The following KIAA0825 variants were observed in gnomAD, a reference collection of about 807,000 sequenced individuals.
KIAA0825 encodes the protein uncharacterized protein KIAA0825.
A neutral mutation model predicts 147.6 loss-of-function variants in KIAA0825; 119 were observed. That is an observed-to-expected ratio of 0.81 (90% CI 0.69 to 0.94). The LOEUF is 0.94. Ranked by LOEUF, KIAA0825 falls within the 40% of genes least tolerant of loss-of-function variation. KIAA0825 has a pLI of 0.00. For synonymous variants in KIAA0825, 470 were observed against 518.1 expected (o/e 0.91, Z 1.26); for missense variants, 1,381 against 1,472.7 (o/e 0.94, Z 1.02).
chr5:94,542,381 G>T (rs868668621), intron 2 of KIAA0825, among the ~76,000 whole-genome samples: 3 of 152,168 alleles, frequency 2.0e-5, no homozygotes, highest in Non-Finnish European at 2.9e-5. Context: ...TTAAACAATT[G>T]AGTAAAGTAT....
At chr5:94,291,794 G>A (rs889406172) in intron 20 of KIAA0825, among the ~76,000 whole-genome samples, 2 of 152,098 alleles carry the variant, frequency 1.3e-5, no homozygotes, top group Admixed American at 1.3e-4. Context: ...TCCTTTAGCA[G>A]TGGTTTGTAG....
chr5:94,599,331 GT>G lies in KIAA0825; in HGVS notation c.-152-16749del, dbSNP rs57220290. Among the ~76,000 whole-genome samples the G allele has an allele frequency of 1.6e-3, 153 of 98,512 alleles. 1 individual carries two copies. The highest frequency in any genetic ancestry group is 7.8e-3 in the Middle Eastern group (1 of 128). 64.6% of individuals were successfully genotyped at this position (98,512 alleles called of 152,430 possible). A position where few individuals can be genotyped will look rare whatever the true frequency, so the allele number is the denominator to read the frequency against. ...CCTATTTTAAAATCTGATTATTTGG[GT>G]TTTTTTTTTTTTTTTTTTTGCTATG... On this transcript the variant is annotated intron_variant, in intron 1 of 20. Coordinates refer to ENST00000682413, the MANE Select transcript of KIAA0825 (RefSeq NM_001145678.3).
chr5:94,378,105 T>A (rs887242530), intron 20 of KIAA0825, among the ~76,000 whole-genome samples: 17 of 152,200 alleles, frequency 1.1e-4, no homozygotes, highest in African/African-American at 4.1e-4. Flanking sequence ...TTTTATTTAT[T>A]CATTTAACTT....
At chr5:94,245,939 T>C (rs1368619985) in intron 20 of KIAA0825, among the ~76,000 whole-genome samples, 2 of 152,130 alleles carry the variant, frequency 1.3e-5, no homozygotes, top group Non-Finnish European at 2.9e-5. Flanking sequence ...CCTAAGTTAC[T>C]CAGTTCTTTA....
At chr5:94,463,824 T>G (rs1385917017) in intron 11 of KIAA0825, among the ~76,000 whole-genome samples, 4 of 151,948 alleles carry the variant, frequency 2.6e-5, no homozygotes, top group Non-Finnish European at 5.9e-5. Flanking sequence ...TCATAATGAC[T>G]TGCCATTTCA....
At chr5:94,521,682 G>T (rs1033866466) in intron 4 of KIAA0825, among the ~76,000 whole-genome samples, 1 of 151,616 alleles carries the variant, frequency 6.6e-6, no homozygotes, top group Non-Finnish European at 1.5e-5. Context: ...ACAATGGTGG[G>T]TATAATTATG....
intron 3 of KIAA0825, 84 bp from the exon 4 acceptor site, chr5:94,524,182 A>C: frequency 1.3e-6 from 1 of 769,734 alleles, no homozygotes; most frequent in African/African-American, 1.8e-5. Flanking sequence ...TGAAATCTTC[A>C]TATGTGGTAC....
intron 13 of KIAA0825, among the ~76,000 whole-genome samples, chr5:94,444,466 G>A (rs1360882300): frequency 6.6e-6 from 1 of 151,940 alleles, no homozygotes; most frequent in East Asian, 1.9e-4. Context: ...ATGCTTTCAT[G>A]ACTGGCAATT....
chr5:94,588,971 G>A (rs1250709565), intron 1 of KIAA0825, among the ~76,000 whole-genome samples: 1 of 152,130 alleles, frequency 6.6e-6, no homozygotes, highest in African/African-American at 2.4e-5. Flanking sequence ...GTTGAACAAT[G>A]AGAACACACG....
intron 14 of KIAA0825, among the ~76,000 whole-genome samples, chr5:94,435,716 T>C (rs1756274574): frequency 1.3e-5 from 2 of 152,188 alleles, no homozygotes; most frequent in African/African-American, 4.8e-5. Context: ...CCACAATGGT[T>C]GAACTAATTT....
At chr5:94,551,647 C>T (rs1775558577) in intron 2 of KIAA0825, among the ~76,000 whole-genome samples, 1 of 152,014 alleles carries the variant, frequency 6.6e-6, no homozygotes, top group South Asian at 2.1e-4. Flanking sequence ...AACAGTCTTT[C>T]CCAGGCAAGC....
intron 20 of KIAA0825, among the ~76,000 whole-genome samples, chr5:94,366,887 C>T (rs746354737): frequency 1.6e-4 from 24 of 152,262 alleles, no homozygotes; most frequent in African/African-American, 3.4e-4. Context: ...CTGTTGTGTC[C>T]GGTTTCTACT....
At chr5:94,184,582 A>G (rs1415497174) in intron 20 of KIAA0825, among the ~76,000 whole-genome samples, 3 of 152,218 alleles carry the variant, frequency 2.0e-5, no homozygotes, top group African/African-American at 7.2e-5. Context: ...TCTTGTCTAT[A>G]TTCAACAAAA....
intron 14 of KIAA0825, among the ~76,000 whole-genome samples, chr5:94,428,142 GTTGTGTGT>G (rs1562487291): frequency 1.8e-5 from 2 of 111,976 alleles, no homozygotes; most frequent in African/African-American, 3.3e-5. Context: ...ATAAGGTCTT[GTTGTGTGT>G]GTGTGTGTGT....
chr5:94,386,312 T>A lies in KIAA0825; in HGVS notation c.3549A>T (p.Glu1183Asp). The change falls in exon 19 of 21, where the codon GAA becomes GAT. Residue 1183 changes from glutamate to aspartate, a missense_variant. By Grantham distance (45) the Glu-to-Asp change is conservative. Transcript: ENST00000682413. ...RPLKTTLRSI[E>D]DQPSAFNPFH... ...AAGGGTTAAAGGCAGAAGGCTGATCTTCTATACTCCTCAAGGTCGTCTTTA... is the reference window on the plus strand; with the variant it reads ...AAGGGTTAAAGGCAGAAGGCTGATCATCTATACTCCTCAAGGTCGTCTTTA... 2 of 1,551,636 alleles carry A rather than the reference T, an allele frequency of 1.3e-6. No homozygotes were observed. The highest frequency in any genetic ancestry group is 1.7e-6 in the Non-Finnish European group (2 of 1,146,872).
At chr5:94,387,673 C>T (rs372612537) in intron 18 of KIAA0825, among the ~76,000 whole-genome samples, 11 of 150,296 alleles carry the variant, frequency 7.3e-5, no homozygotes, top group African/African-American at 1.7e-4. Flanking sequence ...CCAGCCTGGG[C>T]GACAGAGAGA....
rs1562345439 is a variant in KIAA0825, at chr5:94,275,772, AG to A, written c.3710+108595del. On this transcript the variant is annotated intron_variant, in intron 20 of 20. Transcript: ENST00000682413. ...CTCAGGTAGTCCTTTGAGGCTCATC[AG>A]TAGCATCATTTACACAGCTCGCATT... 2.0e-5 allele frequency among the ~76,000 whole-genome samples: 3 copies of A among 152,216 alleles called. No homozygotes were observed. In the East Asian group the frequency reaches 5.8e-4, roughly 29 times the overall value.
rs1483683786 is a variant in KIAA0825, at chr5:94,618,590, C to T, written c.-243G>A. 3 of 154,490 alleles carry T rather than the reference C, an allele frequency of 1.9e-5. No homozygotes were observed. Among genetic ancestry groups the T allele is most frequent in the Non-Finnish European group, 4.4e-5 (3 of 68,242 alleles). The allele number at this position is 154,490 out of a possible 1,614,324, so 9.6% of individuals were successfully genotyped here. On this transcript the variant is annotated 5_prime_UTR_variant, in exon 1 of 21. Coordinates refer to ENST00000682413, the MANE Select transcript of KIAA0825 (RefSeq NM_001145678.3). ...CCAGGTATTACCACCCTGGCGACGGCTCCGGAGCGTCACTGACAACCACCC... is the reference window on the plus strand; with the variant it reads ...CCAGGTATTACCACCCTGGCGACGGTTCCGGAGCGTCACTGACAACCACCC...
intron 20 of KIAA0825, among the ~76,000 whole-genome samples, chr5:94,187,674 C>T (rs566950904): frequency 2.0e-5 from 3 of 152,136 alleles, no homozygotes; most frequent in East Asian, 3.9e-4. Flanking sequence ...ATCCGCCCAC[C>T]TCGGCCTCCC....
Sources: allele counts gnomAD v4.1 joint callset (sites outside exome capture counted in the v4.1 genomes callset), GRCh38; gene constraint gnomAD v4.1.1; transcripts MANE v1.5; gene names NCBI Gene and HGNC (gene_info 2026-07-23, HGNC 2026-07-21).